TPRG1: variants seen among roughly 807,000 people sequenced by gnomAD.
The protein encoded by TPRG1 is tumor protein p63 regulated 1.
In TPRG1, 29 loss-of-function variants were observed where a neutral mutation model predicts 29.3. The observed-to-expected ratio is 0.99, with a 90% CI of 0.74 to 1.35. The LOEUF (loss-of-function observed/expected upper bound fraction) is 1.35, where lower values mean the gene tolerates loss of function less well. Among genes scored for constraint, TPRG1 ranks in the 40% most tolerant of loss-of-function variants. The pLI is 0.00. For missense variants in TPRG1, 327 were observed against 335.0 expected (o/e 0.98, Z 0.19); for synonymous variants, 130 against 116.8 (o/e 1.11, Z -0.73).
intron 3 of TPRG1, among the ~76,000 whole-genome samples, chr3:189,141,664 A>G (rs1479906865): frequency 1.3e-5 from 2 of 152,238 alleles, no homozygotes; most frequent in Admixed American, 1.3e-4. Flanking sequence ...GAATTTGTTC[A>G]TCAAATATTT....
At chr3:189,049,911 C>T (rs1458812123) in intron 4 of TPRG1, among the ~76,000 whole-genome samples, 5 of 152,020 alleles carry the variant, frequency 3.3e-5, no homozygotes, top group Non-Finnish European at 7.4e-5. Flanking sequence ...CCTATCAAAA[C>T]CTCTGGGATA....
At chr3:189,277,266 A>G (rs1032160096) in intron 4 of TPRG1, among the ~76,000 whole-genome samples, 2 of 152,188 alleles carry the variant, frequency 1.3e-5, no homozygotes, top group African/African-American at 2.4e-5. Flanking sequence ...CTCCAAACAT[A>G]ATTATCAAGC....
In TPRG1 at chr3:189,320,405, A is replaced by G. The variant is rs536113176; in HGVS notation, c.634-221A>G. Reference sequence around the variant, plus strand: ...TTACATATTATTTCTGACATTAAGAAGCAAAATTGGGCCTGAGGAAAGTTA... The same window carrying G: ...TTACATATTATTTCTGACATTAAGAGGCAAAATTGGGCCTGAGGAAAGTTA... On this transcript the variant is annotated intron_variant, in intron 5 of 5. Coordinates refer to ENST00000345063, the MANE Select transcript of TPRG1 (RefSeq NM_198485.4). Among the ~76,000 whole-genome samples the G allele has an allele frequency of 4.6e-5, 7 of 152,266 alleles. No individual in the cohort carries two copies. In the South Asian group the frequency reaches 1.4e-3, roughly 32 times the overall value.
chr3:189,205,454 A>C (rs777766336), intron 1 of TPRG1, among the ~76,000 whole-genome samples: 91 of 152,220 alleles, frequency 6.0e-4, no homozygotes, highest in Non-Finnish European at 1.2e-3. Flanking sequence ...AAAATATCCC[A>C]AAATTAGCTA....
Position 189,157,833 on chromosome 3 carries a change from C to T in TPRG1, c.-10+6961C>T, listed in dbSNP as rs1726900304. On this transcript the variant is annotated intron_variant, in intron 5 of 6. Coordinates refer to the TPRG1 transcript ENST00000412373. ...ACCCATGTGACAGGAGTTATTATGACTCCCTCCATTCCTTCTCCTTCCGGC... is the reference window on the plus strand; with the variant it reads ...ACCCATGTGACAGGAGTTATTATGATTCCCTCCATTCCTTCTCCTTCCGGC... 2.0e-5 allele frequency among the ~76,000 whole-genome samples: 3 copies of T among 152,256 alleles called. No homozygotes were observed. The South Asian group carries it at 6.2e-4, about 32-fold the overall frequency.
At chr3:189,208,875 A>T (rs1359096755) in intron 2 of TPRG1, among the ~76,000 whole-genome samples, 1 of 152,194 alleles carries the variant, frequency 6.6e-6, no homozygotes, top group Non-Finnish European at 1.5e-5. Flanking sequence ...CTGGGAGCTG[A>T]TGCAATTATG....
At chr3:189,063,193 C>G (rs570514031) in intron 4 of TPRG1, among the ~76,000 whole-genome samples, 14 of 152,150 alleles carry the variant, frequency 9.2e-5, no homozygotes, top group Admixed American at 1.3e-4. Flanking sequence ...AAAGGATCAA[C>G]TTACTAGGAA....
In TPRG1 at chr3:189,324,795, G is replaced by T. The variant is rs1164669087; in HGVS notation, c.*3975G>T. On this transcript the variant is annotated 3_prime_UTR_variant, in exon 6 of 6. Transcript: ENST00000345063. ...AGACTAATGCCTGTGGTTTTCAAAG[G>T]TTAACAACAACATAAAAAAGCCAAG... 6.6e-6 allele frequency: 1 copy of T among 152,140 alleles called. No homozygotes were observed. The highest frequency in any genetic ancestry group is 1.5e-5 in the Non-Finnish European group (1 of 68,042). The allele number at this position is 152,140 out of a possible 1,614,324, so 9.4% of individuals were successfully genotyped here.
At chr3:189,213,253 T>C (rs538882284) in intron 2 of TPRG1, among the ~76,000 whole-genome samples, 39 of 152,300 alleles carry the variant, frequency 2.6e-4, no homozygotes, top group Admixed American at 1.9e-3. Context: ...CTTCATCTAA[T>C]AAATGAGCAA....
intron 5 of TPRG1, among the ~76,000 whole-genome samples, chr3:189,156,201 A>C (rs1726643845): frequency 6.6e-6 from 1 of 152,198 alleles, no homozygotes; most frequent in South Asian, 2.1e-4. Context: ...AAAAGGTGCT[A>C]TGCTTGCTTC....
At chr3:189,128,938 C>T (rs1032735995) in intron 2 of TPRG1, among the ~76,000 whole-genome samples, 2 of 152,104 alleles carry the variant, frequency 1.3e-5, no homozygotes, top group Non-Finnish European at 1.5e-5. Flanking sequence ...CCCGGCCCAA[C>T]TCAGTTATCT....
At chr3:189,187,947 T>C (rs561290654) in intron 1 of TPRG1, among the ~76,000 whole-genome samples, 1 of 152,318 alleles carries the variant, frequency 6.6e-6, no homozygotes, top group African/African-American at 2.4e-5. Context: ...CAATGTTGTA[T>C]GTAAATCAAA....
chr3:189,242,333 T>C (rs1249332529), intron 4 of TPRG1, among the ~76,000 whole-genome samples: 1 of 152,160 alleles, frequency 6.6e-6, no homozygotes, highest in East Asian at 1.9e-4. Flanking sequence ...CAATATCTGG[T>C]TGAGTTATTC....
intron 1 of TPRG1, among the ~76,000 whole-genome samples, chr3:189,192,443 A>G (rs1731840976): frequency 6.6e-6 from 1 of 152,250 alleles, no homozygotes; most frequent in African/African-American, 2.4e-5. Flanking sequence ...GAGCTCATGT[A>G]CTAGTGAAGA....
intron 5 of TPRG1, among the ~76,000 whole-genome samples, chr3:189,312,077 TTA>T (rs1162023876): frequency 2.2e-5 from 3 of 134,520 alleles, no homozygotes; most frequent in East Asian, 2.0e-4. Context: ...GCAGAACACT[TTA>T]TGTTTCTTTC....
intron 4 of TPRG1, among the ~76,000 whole-genome samples, chr3:189,027,851 C>G (rs1253020593): frequency 1.3e-5 from 2 of 152,088 alleles, no homozygotes; most frequent in Admixed American, 6.5e-5. Context: ...GCATTGTGAA[C>G]AGTGAGCATG....
intron 1 of TPRG1, among the ~76,000 whole-genome samples, chr3:189,202,922 T>G (rs2108785579): frequency 6.6e-6 from 1 of 152,282 alleles, no homozygotes; most frequent in African/African-American, 2.4e-5. Flanking sequence ...GTTTCTTTGC[T>G]TTTCTTCTAA....
At chr3:189,111,832 C>T (rs897591375) in intron 1 of TPRG1, among the ~76,000 whole-genome samples, 5 of 152,104 alleles carry the variant, frequency 3.3e-5, no homozygotes, top group African/African-American at 4.8e-5. Flanking sequence ...CTGGCTTAGA[C>T]TTTCAGTATA....
chr3:189,308,263 A>G (rs1347946118), intron 4 of TPRG1, among the ~76,000 whole-genome samples: 2 of 152,224 alleles, frequency 1.3e-5, no homozygotes, highest in Non-Finnish European at 1.5e-5. Flanking sequence ...CCGAGACTGT[A>G]TCACAGGACT....
Sources: gnomAD v4.1 joint callset for allele counts (sites outside exome capture counted in the v4.1 genomes callset) on GRCh38, gnomAD v4.1.1 for gene constraint, MANE v1.5 for transcripts, NCBI Gene and HGNC (gene_info 2026-07-23, HGNC 2026-07-21) for gene names.